AFF3: variants seen among roughly 807,000 people sequenced by gnomAD.
AFF3 encodes the protein AF4/FMR2 family member 3.
Under a neutral mutation model 129.7 loss-of-function variants are expected in AFF3, and 32 were observed. The observed-to-expected ratio is 0.25, with a 90% CI of 0.19 to 0.33. AFF3 has a LOEUF of 0.33. AFF3 is among the 10% of genes least tolerant of loss of function. The pLI, the probability that AFF3 is intolerant of heterozygous loss-of-function variation, is 1.00. For synonymous variants in AFF3, 644 were observed against 635.4 expected, an observed-to-expected ratio of 1.01 and a Z score of -0.20; for missense variants, 1,373 against 1,592.0, an observed-to-expected ratio of 0.86 and a Z score of 2.34.
At chr2:99,621,525 G>A (rs1330031334) in intron 13 of AFF3, among the ~76,000 whole-genome samples, 2 of 152,170 alleles carry the variant, frequency 1.3e-5, no homozygotes, top group East Asian at 1.9e-4. Context: ...AAGAATGGTC[G>A]GTGCTCCTTG....
intron 7 of AFF3, among the ~76,000 whole-genome samples, chr2:99,839,424 G>A (rs1011108770): frequency 4.6e-5 from 7 of 151,288 alleles, no homozygotes; most frequent in Admixed American, 4.6e-4. Flanking sequence ...TTAACTTTTT[G>A]AGGAACTGTC....
At chr2:99,794,886 T>C (rs951372440) in intron 8 of AFF3, among the ~76,000 whole-genome samples, 1 of 152,182 alleles carries the variant, frequency 6.6e-6, no homozygotes, top group Non-Finnish European at 1.5e-5. Flanking sequence ...TTTCATATAT[T>C]TTGGGTAGTT....
chr2:99,672,150 T>C (rs9679019), intron 12 of AFF3, among the ~76,000 whole-genome samples: 85,652 of 148,442 alleles, frequency 0.58, 25,443 homozygotes, highest in African/African-American at 0.71. Flanking sequence ...AGGTCATATG[T>C]TTGATCTCCA....
chr2:100,064,725 T>G, intron 4 of AFF3, among the ~76,000 whole-genome samples: 1 of 152,198 alleles, frequency 6.6e-6, no homozygotes, highest in East Asian at 1.9e-4. Context: ...AATACAAAAA[T>G]ACATCGTCAT....
At position 99,816,792 on chromosome 2, in the gene AFF3, T is replaced by C. The variant is rs531353674; in HGVS notation, c.921+20685A>G. ...CAAGTGTTCCTGAGCTTTCTCCAGA[T>C]ATACCGTAATGTTAGGTAGCACACA... On this transcript the variant is annotated intron_variant, in intron 8 of 24. Coordinates refer to ENST00000672756, the MANE Select transcript of AFF3 (RefSeq NM_001386135.1). Among the ~76,000 whole-genome samples the C allele has an allele frequency of 2.0e-5, 3 of 152,226 alleles. 1 individual carries two copies. In the South Asian group the frequency reaches 6.3e-4, roughly 32 times the overall value.
At chr2:99,939,798 C>T (rs1674859879) in intron 7 of AFF3, among the ~76,000 whole-genome samples, 1 of 152,212 alleles carries the variant, frequency 6.6e-6, no homozygotes, top group African/African-American at 2.4e-5. Context: ...GTATTTCTCT[C>T]ATTATCTGTT....
chr2:99,734,282 C>CTAAT (rs1469098984), intron 10 of AFF3, among the ~76,000 whole-genome samples: 14 of 151,670 alleles, frequency 9.2e-5, no homozygotes, highest in South Asian at 2.1e-4. Context: ...CTTATTAATC[C>CTAAT]TAATAATCTG....
chr2:99,852,738 G>T (rs76811603), intron 7 of AFF3, among the ~76,000 whole-genome samples: 2 of 152,162 alleles, frequency 1.3e-5, no homozygotes, highest in Non-Finnish European at 2.9e-5. Context: ...ATGTAAAAAG[G>T]CTGGTCTGAT....
chr2:99,979,417 G>C (rs979169566), intron 7 of AFF3, among the ~76,000 whole-genome samples: 1 of 152,024 alleles, frequency 6.6e-6, no homozygotes, highest in Admixed American at 6.6e-5. Context: ...TAAACCATGA[G>C]AAAGGACTAT....
At position 100,062,458 on chromosome 2, in the gene AFF3, A is replaced by T. The variant is rs1291241343; in HGVS notation, c.53+41944T>A. Among the ~76,000 whole-genome samples, 3 of 152,236 alleles carry T rather than the reference A, an allele frequency of 2.0e-5. No individual in the cohort carries two copies. The East Asian group carries it at 5.8e-4, about 29-fold the overall frequency. On this transcript the variant is annotated intron_variant, in intron 4 of 24. Transcript: ENST00000672756. ...GCAAAAAGGAAAAGGAACAAACAGT[A>T]ACAACCAAAAATCCCTGGGCAGTGA...
intron 11 of AFF3, among the ~76,000 whole-genome samples, chr2:99,690,826 T>C (rs1675588021): frequency 6.6e-6 from 1 of 151,956 alleles, no homozygotes; most frequent in Admixed American, 6.6e-5. Context: ...TTGAAGAGTT[T>C]ATACTCAGGC....
chr2:100,000,848 T>C (rs1210469268), intron 7 of AFF3, among the ~76,000 whole-genome samples: 1 of 152,172 alleles, frequency 6.6e-6, no homozygotes, highest in African/African-American at 2.4e-5. Context: ...GCTGCACCCA[T>C]TCCACAGCAT....
chr2:99,790,896 G>A (rs148604073), intron 8 of AFF3, among the ~76,000 whole-genome samples: 23 of 152,174 alleles, frequency 1.5e-4, no homozygotes, highest in African/African-American at 5.1e-4. Flanking sequence ...CCGAAAACTC[G>A]AAATATCCAT....
At chr2:99,948,691 C>T (rs1390814199) in intron 7 of AFF3, among the ~76,000 whole-genome samples, 1 of 152,148 alleles carries the variant, frequency 6.6e-6, no homozygotes, top group Non-Finnish European at 1.5e-5. Flanking sequence ...AAGGCCAGAG[C>T]AGGACAAGCA....
At chr2:99,717,812 C>A (rs1678527800) in intron 11 of AFF3, among the ~76,000 whole-genome samples, 1 of 152,134 alleles carries the variant, frequency 6.6e-6, no homozygotes, top group Non-Finnish European at 1.5e-5. Context: ...TTCTGTTTTC[C>A]TCTAGAAACT....
At position 99,752,406 on chromosome 2, in the gene AFF3, G is replaced by A; in HGVS notation, c.922-105C>T. 8.9e-6 allele frequency: 7 copies of A among 783,616 alleles called. No homozygotes were observed. In the South Asian group the frequency reaches 1.3e-4, roughly 14 times the overall value. The allele number at this position is 783,616 out of a possible 1,614,324, so 48.5% of individuals were successfully genotyped here. ...GTGGGCCTTCATAAGGCAGGGAAGG[G>A]TTAAAAAATGTACAAAGGCTGAAAG... is the stretch of plus-strand genomic sequence containing the variant. On this transcript the variant is annotated intron_variant, in intron 8 of 24. Coordinates refer to ENST00000672756, the MANE Select transcript of AFF3 (RefSeq NM_001386135.1).
At chr2:100,071,867 C>A (rs1357915132) in intron 4 of AFF3, among the ~76,000 whole-genome samples, 1 of 152,136 alleles carries the variant, frequency 6.6e-6, no homozygotes, top group African/African-American at 2.4e-5. Context: ...ATTCAAGGCA[C>A]GTACTGTACA....
chr2:99,865,392 G>A (rs1691316352), intron 7 of AFF3, among the ~76,000 whole-genome samples: 1 of 152,200 alleles, frequency 6.6e-6, no homozygotes. Flanking sequence ...ACAAGCCAAA[G>A]AATAATTTAC....
At chr2:99,552,136 G>A (rs770627755) in intron 24 of AFF3, among the ~76,000 whole-genome samples, 2 of 152,080 alleles carry the variant, frequency 1.3e-5, no homozygotes, top group African/African-American at 2.4e-5. Context: ...CTGGAATTCC[G>A]GCACTTTAGG....
Sources: allele counts gnomAD v4.1 joint callset (sites outside exome capture counted in the v4.1 genomes callset), GRCh38; gene constraint gnomAD v4.1.1; transcripts MANE v1.5; gene names NCBI Gene and HGNC (gene_info 2026-07-23, HGNC 2026-07-21).